The following CSK variants were observed in gnomAD, a reference collection of about 807,000 sequenced individuals.
The protein encoded by CSK is tyrosine-protein kinase CSK.
In CSK, 7 loss-of-function variants were observed where a neutral mutation model predicts 62.3. That is an observed-to-expected ratio of 0.11 (90% CI 0.06 to 0.21). The LOEUF is 0.21. Among genes scored for constraint, CSK ranks in the 10% least tolerant of loss-of-function variants. The pLI is 1.00. For synonymous variants in CSK, 237 were observed against 246.0 expected (o/e 0.96, Z 0.34); for missense variants, 294 against 613.5 (o/e 0.48, Z 5.50).
At chr15:74,799,563 G>A (rs910654850) in intron 5 of CSK, 72 bp downstream of exon 5, 3 of 1,463,582 alleles carry the variant, frequency 2.0e-6, no homozygotes, top group Admixed American at 4.0e-5. Flanking sequence ...CTGGCTTCTA[G>A]CTCCAGCCCC....
rs770878314 is a variant in CSK at position 74,802,396 on chromosome 15, G to A, written c.1236G>A (p.Pro412=). 37 of 1,611,980 alleles carry A rather than the reference G, an allele frequency of 2.3e-5. No individual in the cohort carries two copies. In the Middle Eastern group the frequency reaches 5.0e-4, roughly 22 times the overall value. The change falls in exon 13 of 13, where the codon CCG becomes CCA. Residue 412 remains proline, a synonymous_variant. Transcript: ENST00000220003. ...GYKMDAPDGC[P]PAVYEVMKNC... ...AGATGGATGCCCCCGACGGCTGCCC[G>A]CCCGCAGTCTATGAAGTCATGAAGA... is the stretch of plus-strand genomic sequence containing the variant.
At position 74,800,931 on chromosome 15, in the gene CSK, G is replaced by T. The variant is rs1282269854; in HGVS notation, c.722+9G>T. ...GAAGCCTCAGTCATGACGTGAGTGGGGGCGGGGTAGGGGGGAGGTTGGCCT... is the reference window on the plus strand; with the variant it reads ...GAAGCCTCAGTCATGACGTGAGTGGTGGCGGGGTAGGGGGGAGGTTGGCCT... On this transcript the variant is annotated intron_variant, in intron 8 of 12. Coordinates refer to ENST00000220003, the MANE Select transcript of CSK (RefSeq NM_004383.3). The T allele has an allele frequency of 3.1e-6, 5 of 1,612,908 alleles. No individual in the cohort carries two copies. The highest frequency in any genetic ancestry group is 4.2e-6 in the Non-Finnish European group (5 of 1,179,980).
At chr15:74,802,265 G>C in intron 12 of CSK, 66 bp from the exon 13 acceptor site, 3 of 1,493,130 alleles carry the variant, frequency 2.0e-6, no homozygotes, top group Non-Finnish European at 2.7e-6. Context: ...TCCCTGAGAG[G>C]CTGCTGGGTA....
rs1308916357 is a variant in CSK, at chr15:74,798,786, A to C, written c.130-40A>C. 1 of 1,602,624 alleles carries C rather than the reference A, an allele frequency of 6.2e-7. No individual in the cohort carries two copies. On this transcript the variant is annotated intron_variant, in intron 3 of 12. Transcript: ENST00000220003. The surrounding 1 kb of genome is among the most constrained non-coding windows in gnomAD (Gnocchi z 6.6). ...TGCTGGGCCTTCCCTCTGCAGGGGG[A>C]GGTGGGCCTGAGAGCATGTCTGGGC...
At position 74,800,434 on chromosome 15, in the gene CSK, G is replaced by A; in HGVS notation, c.485G>A (p.Gly162Glu). 6.2e-7 allele frequency: 1 copy of A among 1,614,024 alleles called. No individual in the cohort carries two copies. The highest frequency in any genetic ancestry group is 8.5e-7 in the Non-Finnish European group (1 of 1,179,976). ...CAGCACTACACCTCAGACGCAGATG[G>A]ACTCTGTACGCGCCTCATTAAACCA... ...LVEHYTSDAD[G>E]LCTRLIKPKV... The change falls in exon 6 of 13, where the codon GGA (glycine) becomes GAA (glutamate). Residue 162 changes from glycine to glutamate, a missense_variant. Physicochemically the swap from Gly to Glu is moderately conservative, Grantham distance 98. This residue lies in a region of CSK where 202 missense variants were observed against 415.7 expected (regional missense o/e 0.49). Transcript: ENST00000220003.
Position 74,797,671 on chromosome 15 carries a change from G to A in CSK, c.-65-562G>A, listed in dbSNP as rs569036591. Among the ~76,000 whole-genome samples the A allele has an allele frequency of 3.9e-5, 6 of 152,058 alleles. No individual in the cohort carries two copies. In the East Asian group the frequency reaches 9.7e-4, roughly 25 times the overall value. On this transcript the variant is annotated intron_variant, in intron 1 of 12. Coordinates refer to ENST00000220003, the MANE Select transcript of CSK (RefSeq NM_004383.3). ...TCCATTTTCCTCTGGATCGGCATCT[G>A]GGCAGCTCCCAGTTTGAGGTTTATT...
rs2063772508 is a variant in CSK, at chr15:74,800,452, T to A, written c.503T>A (p.Ile168Asn). ...SDADGLCTRL[I>N]KPKVMEGTVA... ...GCAGATGGACTCTGTACGCGCCTCATTAAACCAAAGGTCATGGAGGGCACA... is the reference window on the plus strand; with the variant it reads ...GCAGATGGACTCTGTACGCGCCTCAATAAACCAAAGGTCATGGAGGGCACA... The change falls in exon 6 of 13, where the codon ATT (isoleucine) becomes AAT (asparagine). Residue 168 changes from isoleucine to asparagine, a missense_variant. Around this residue, in one of 3 missense-constraint regions of CSK, gnomAD observed 202 missense variants for 415.7 expected, o/e 0.49. Transcript: ENST00000220003. The A allele has an allele frequency of 6.2e-7, 1 of 1,614,076 alleles. No homozygotes were observed. Among genetic ancestry groups the A allele is most frequent in the African/African-American group, 1.3e-5 (1 of 75,044 alleles).
intron 1 of CSK, among the ~76,000 whole-genome samples, chr15:74,796,989 G>A (rs975074882): frequency 1.3e-5 from 2 of 152,056 alleles, no homozygotes; most frequent in African/African-American, 4.8e-5. Flanking sequence ...CGCCCAGGCT[G>A]GAGTGCAGTG....
Position 74,800,883 on chromosome 15 carries a change from C to T in CSK, c.683C>T (p.Ala228Val). The T allele has an allele frequency of 1.2e-6, 2 of 1,613,228 alleles. No homozygotes were observed. Among genetic ancestry groups the T allele is most frequent in the Non-Finnish European group, 1.7e-6 (2 of 1,180,024 alleles). The change falls in exon 8 of 13, where the codon GCC becomes GTC. Residue 228 changes from alanine (A) to valine (V), a missense_variant. Physicochemically the swap from Ala to Val is moderately conservative, Grantham distance 64. Coordinates refer to ENST00000220003, the MANE Select transcript of CSK (RefSeq NM_004383.3). ...KVAVKCIKND[A>V]TAQAFLAEAS... ...GCCGTCAAGTGCATTAAGAACGACGCCACTGCCCAGGCCTTCCTGGCTGAA... is the reference window on the plus strand; with the variant it reads ...GCCGTCAAGTGCATTAAGAACGACGTCACTGCCCAGGCCTTCCTGGCTGAA...
intron 1 of CSK, among the ~76,000 whole-genome samples, chr15:74,786,581 C>T (rs1039970618): frequency 6.6e-6 from 1 of 152,158 alleles, no homozygotes; most frequent in African/African-American, 2.4e-5. Context: ...TTGGACACAT[C>T]GGGAAACTCA....
At position 74,801,686 on chromosome 15, in the gene CSK, T is replaced by G; in HGVS notation, c.888-9T>G. 1 of 1,610,888 alleles carries G rather than the reference T, an allele frequency of 6.2e-7. No homozygotes were observed. Among genetic ancestry groups the G allele is most frequent in the South Asian group, 1.1e-5 (1 of 90,970 alleles). On this transcript the variant is annotated splice_polypyrimidine_tract_variant and intron_variant, in intron 10 of 12. Transcript: ENST00000220003. Reference sequence around the variant, plus strand: ...AGTCTGAGGGGACATGTGGCTGGCCTACCCCCAGAGATGTCTGCGAGGCCA... The same window carrying G: ...AGTCTGAGGGGACATGTGGCTGGCCGACCCCCAGAGATGTCTGCGAGGCCA...
intron 1 of CSK, chr15:74,793,306 C>G (rs926828813): frequency 5.9e-5 from 9 of 152,684 alleles, no homozygotes; most frequent in African/African-American, 1.9e-4. Context: ...CAGAGCCCAG[C>G]TCCTTGAGGC....
intron 1 of CSK, among the ~76,000 whole-genome samples, chr15:74,789,545 C>T (rs534070568): frequency 2.0e-5 from 3 of 152,232 alleles, no homozygotes; most frequent in Non-Finnish European, 2.9e-5. Context: ...TCCTCAGGTG[C>T]ACTGCCCTTT....
intron 1 of CSK, among the ~76,000 whole-genome samples, chr15:74,794,357 G>T (rs2063674022): frequency 7.0e-6 from 1 of 142,556 alleles, no homozygotes; most frequent in Admixed American, 6.9e-5. Flanking sequence ...GGAGGCAGGG[G>T]CAAGGGGTCC....
intron 4 of CSK, 156 bp downstream of exon 4, chr15:74,799,094 GC>G: frequency 1.0e-6 from 1 of 953,278 alleles, no homozygotes; most frequent in South Asian, 1.7e-5. Context: ...ACAGAGCAGG[GC>G]TGGGGGCAGA....
In CSK at chr15:74,791,927, G is replaced by C. The variant is rs35686309; in HGVS notation, c.-65-6306G>C. ...TGTCCGCACGTCTCCCTGTAGTGCAGGTGCTCCTTCCTGTTTCCAATTAGC... is the reference window on the plus strand; with the variant it reads ...TGTCCGCACGTCTCCCTGTAGTGCACGTGCTCCTTCCTGTTTCCAATTAGC... On this transcript the variant is annotated intron_variant, in intron 1 of 12. Coordinates refer to ENST00000220003, the MANE Select transcript of CSK (RefSeq NM_004383.3). Among the ~76,000 whole-genome samples, 467 of 152,332 alleles carry C rather than the reference G, an allele frequency of 3.1e-3. 3 individuals are homozygous for C. The highest frequency in any genetic ancestry group is 5.3e-3 in the Non-Finnish European group (359 of 68,034).
intron 1 of CSK, among the ~76,000 whole-genome samples, chr15:74,797,251 A>G (rs1015897849): frequency 1.3e-5 from 2 of 152,150 alleles, no homozygotes; most frequent in Non-Finnish European, 2.9e-5. Flanking sequence ...AGCCATCATT[A>G]TGTTTTGAAA....
chr15:74,801,458 G>C (rs893126639), intron 9 of CSK, 64 bp from the exon 10 acceptor site: 78 of 1,521,394 alleles, frequency 5.1e-5, no homozygotes, highest in Non-Finnish European at 6.7e-5. Flanking sequence ...CGGCCCCAGC[G>C]TGCTGTGTGA....
At chr15:74,787,872 A>T (rs1013556464) in intron 1 of CSK, among the ~76,000 whole-genome samples, 2 of 152,216 alleles carry the variant, frequency 1.3e-5, no homozygotes, top group African/African-American at 4.8e-5. Context: ...AGACTCGCGC[A>T]TCTATCTATC....
Sources: allele counts gnomAD v4.1 joint callset (sites outside exome capture counted in the v4.1 genomes callset), GRCh38; gene constraint gnomAD v4.1.1; regional missense constraint gnomAD v4.1.1; non-coding constraint Gnocchi (gnomAD v3.1); transcripts MANE v1.5; gene names NCBI Gene and HGNC (gene_info 2026-07-23, HGNC 2026-07-21).